Variants in SLC25A28 observed in about 807,000 individuals in gnomAD.
SLC25A28 encodes solute carrier family 25 member 28.
In SLC25A28, 10 loss-of-function variants were observed where a neutral mutation model predicts 31.9. That is an observed-to-expected ratio of 0.31 (90% CI 0.19 to 0.53). SLC25A28 has a LOEUF of 0.53. Ranked by LOEUF, SLC25A28 falls within the 20% of genes least tolerant of loss-of-function variation. The probability of loss-of-function intolerance (pLI) is 0.95; values close to 1 mark genes in which losing one functional copy is unlikely to be tolerated. For synonymous variants in SLC25A28, 208 were observed against 203.6 expected (o/e 1.02, Z -0.19); for missense variants, 256 against 490.3 (o/e 0.52, Z 4.51).
Position 99,610,680 on chromosome 10 carries a change from G to C in SLC25A28, c.*169C>G. 1.4e-6 allele frequency: 1 copy of C among 735,076 alleles called. No individual in the cohort carries two copies. Among genetic ancestry groups the C allele is most frequent in the Non-Finnish European group, 2.2e-6 (1 of 455,644 alleles). 45.5% of individuals were successfully genotyped at this position (735,076 alleles called of 1,614,324 possible). On this transcript the variant is annotated 3_prime_UTR_variant, in exon 4 of 4. Transcript: ENST00000370495. The stretch of plus-strand genomic sequence containing the variant: ...CTTAGGGCCTGGAAGGAAAGGTGGT[G>C]GCAACAGAGGTTGGCAGGAACTGGT...
At chr10:99,612,958 G>A (rs947694535) in intron 2 of SLC25A28, among the ~76,000 whole-genome samples, 3 of 152,102 alleles carry the variant, frequency 2.0e-5, no homozygotes, top group Non-Finnish European at 2.9e-5. Context: ...AGGGAGATAC[G>A]GGGGCCAGGT....
At chr10:99,622,794 ATTGGAACCCTATCT>A, upstream of SLC25A28, 1 of 639,020 alleles carries the variant, frequency 1.6e-6, no homozygotes, top group Non-Finnish European at 1.9e-6. Flanking sequence ...AGTTGTCCTC[ATTGGAACCCTATCT>A]TTATTTCCCT....
At chr10:99,624,247 CTTTT>C (rs951227945), upstream of SLC25A28, among the ~76,000 whole-genome samples, 15 of 92,102 alleles carry the variant, frequency 1.6e-4, no homozygotes, top group East Asian at 1.4e-3. Flanking sequence ...TTCTCTCTTT[CTTTT>C]TCTTTCTCTC....
chr10:99,647,629 C>A, the SLC25A28 span, among the ~76,000 whole-genome samples: 1 of 152,002 alleles, frequency 6.6e-6, no homozygotes, highest in African/African-American at 2.4e-5. Flanking sequence ...TTACTCTGTT[C>A]TTTTGCTTTG....
At chr10:99,621,082 G>A, upstream of SLC25A28, 1 of 708,434 alleles carries the variant, frequency 1.4e-6, no homozygotes, top group Non-Finnish European at 1.7e-6. Flanking sequence ...ATCCCTGGCT[G>A]GCGCGACCCG....
chr10:99,625,815 A>T, the SLC25A28 span, among the ~76,000 whole-genome samples: 1 of 152,212 alleles, frequency 6.6e-6, no homozygotes, highest in Admixed American at 6.5e-5. Flanking sequence ...CAGAACACAG[A>T]CCCAGAAGAT....
chr10:99,624,089 C>CTCTT (rs765444274), upstream of SLC25A28, among the ~76,000 whole-genome samples: 1 of 150,304 alleles, frequency 6.7e-6, no homozygotes, highest in East Asian at 2.0e-4. Context: ...TTCCTTTCTT[C>CTCTT]TCTTTCTTTC....
In SLC25A28 at chr10:99,611,210, G is replaced by T; in HGVS notation, c.734C>A (p.Thr245Asn). 1 of 1,614,166 alleles carries T rather than the reference G, an allele frequency of 6.2e-7. No homozygotes were observed. The highest frequency in any genetic ancestry group is 8.5e-7 in the Non-Finnish European group (1 of 1,180,042). The part of the protein sequence containing the change: ...NVPFQAIHFM[T>N]YEFLQEHFNP... ...AAAGTGCTCCTGCAGGAATTCATAG[G>T]TCATGAAGTGAATGGCTTGGAAAGG... Residue 245 changes from threonine (T) to asparagine (N), a missense_variant, in exon 4 of 4, where the codon ACC becomes AAC. Physicochemically the swap from Thr to Asn is moderately conservative, Grantham distance 65 (BLOSUM62 0). Around this residue, in one of 4 missense-constraint regions of SLC25A28, gnomAD observed 158 missense variants for 379.1 expected, o/e 0.42. Transcript: ENST00000370495. This position sits in a 1 kb window ranked among gnomAD's most constrained non-coding sequence, Gnocchi z 5.5.
chr10:99,626,382 T>C, the SLC25A28 span, among the ~76,000 whole-genome samples: 7 of 152,232 alleles, frequency 4.6e-5, no homozygotes, highest in Non-Finnish European at 7.3e-5. Flanking sequence ...ACAGGAAGAC[T>C]TTCCAAGGGT....
upstream of SLC25A28, among the ~76,000 whole-genome samples, chr10:99,623,296 G>C (rs113506978): frequency 8.6e-4 from 131 of 152,256 alleles, no homozygotes; most frequent in African/African-American, 2.6e-3. Context: ...GATAAACAAG[G>C]GGTGAATATC....
At chr10:99,639,722 T>TACACACACACACACACAC in the SLC25A28 span, among the ~76,000 whole-genome samples, 3 of 131,058 alleles carry the variant, frequency 2.3e-5, no homozygotes, top group Admixed American at 7.7e-5. Context: ...GCACCATGGG[T>TACACACACACACACACAC]ACACACACAC....
rs761769529 is a variant in SLC25A28, at chr10:99,613,754, C to T, written c.462G>A (p.Lys154=). 9 of 1,614,200 alleles carry T rather than the reference C, an allele frequency of 5.6e-6. No homozygotes were observed. The highest frequency in any genetic ancestry group is 7.6e-6 in the Non-Finnish European group (9 of 1,180,034). ...AHALYFACYE[K]LKKTLSDVIH... ...TTACATCACTCAATGTCTTTTTTAA[C>T]TTTTCGTAGCAGGCAAAATAAAGGG... Residue 154 remains lysine, a synonymous_variant, in exon 2 of 4, where the codon AAG becomes AAA. Transcript: ENST00000370495. This position sits in a 1 kb window ranked among gnomAD's most constrained non-coding sequence, Gnocchi z 4.9.
the SLC25A28 span, among the ~76,000 whole-genome samples, chr10:99,642,036 A>T: frequency 4.0e-5 from 6 of 151,578 alleles, no homozygotes; most frequent in Non-Finnish European, 1.5e-5. Flanking sequence ...CTTAGGATTG[A>T]CTTGGCAATG....
chr10:99,648,635 G>A, the SLC25A28 span, among the ~76,000 whole-genome samples: 2 of 145,584 alleles, frequency 1.4e-5, no homozygotes, highest in Admixed American at 6.8e-5. Flanking sequence ...TCAATGTTTT[G>A]TAGTTCTCCT....
the SLC25A28 span, among the ~76,000 whole-genome samples, chr10:99,650,156 A>T: frequency 2.0e-5 from 3 of 152,202 alleles, no homozygotes; most frequent in South Asian, 6.2e-4. Flanking sequence ...TCATTTTAAA[A>T]TTTTTTAAAA....
chr10:99,617,798 G>C, intron 1 of SLC25A28: 1 of 985,086 alleles, frequency 1.0e-6, no homozygotes, highest in Non-Finnish European at 1.2e-6. Context: ...GGGCTTTCAG[G>C]CATAACTGCT....
chr10:99,620,035 C>A lies in SLC25A28; in HGVS notation c.291+10G>T. On this transcript the variant is annotated intron_variant, in intron 1 of 3. Transcript: ENST00000370495. ...CCCAGGTCGGGTTCGAAGCCGGGTG[C>A]AGGTCTCACCTTGACGCAGTCGATG... 6.4e-7 allele frequency: 1 copy of A among 1,571,024 alleles called. No individual in the cohort carries two copies. The highest frequency in any genetic ancestry group is 1.7e-5 in the Admixed American group (1 of 58,234).
At chr10:99,618,959 C>G in intron 1 of SLC25A28, 1 of 985,450 alleles carries the variant, frequency 1.0e-6, no homozygotes, top group Non-Finnish European at 1.2e-6. Flanking sequence ...GACTATTACC[C>G]TTCACATGTA....
At chr10:99,629,736 T>C in the SLC25A28 span, among the ~76,000 whole-genome samples, 4 of 152,218 alleles carry the variant, frequency 2.6e-5, no homozygotes, top group Non-Finnish European at 5.9e-5. Context: ...GGTTACCAGA[T>C]GCAGCAGGCA....
Sources: gnomAD v4.1 joint callset for allele counts (sites outside exome capture counted in the v4.1 genomes callset) on GRCh38, gnomAD v4.1.1 for gene constraint, gnomAD v4.1.1 regional missense constraint, Gnocchi (gnomAD v3.1) non-coding constraint, MANE v1.5 for transcripts, NCBI Gene and HGNC (gene_info 2026-07-23, HGNC 2026-07-21) for gene names.